WDR72: variants seen among roughly 807,000 people sequenced by gnomAD.
WDR72 encodes WD repeat domain 72.
In WDR72, 120 loss-of-function variants were observed where a neutral mutation model predicts 124.2. The observed-to-expected ratio is 0.97, with a 90% CI of 0.83 to 1.12. WDR72 has a LOEUF of 1.12. Ranked by LOEUF, WDR72 falls within the 50% of genes most tolerant of loss-of-function variation. The pLI is 0.00. For missense variants in WDR72, 1,387 were observed against 1,278.8 expected, an observed-to-expected ratio of 1.08 and a Z score of -1.29; for synonymous variants, 452 against 441.7, an observed-to-expected ratio of 1.02 and a Z score of -0.29.
At chr15:53,558,912 A>T (rs954676594) in intron 18 of WDR72, among the ~76,000 whole-genome samples, 6 of 151,990 alleles carry the variant, frequency 3.9e-5, no homozygotes, top group African/African-American at 1.4e-4. Flanking sequence ...TTTAGCCTTT[A>T]AAAATGGGAC....
At chr15:53,618,444 G>C (rs1010155479) in intron 14 of WDR72, among the ~76,000 whole-genome samples, 7 of 151,822 alleles carry the variant, frequency 4.6e-5, no homozygotes, top group Non-Finnish European at 1.0e-4. Flanking sequence ...TACTTTTATT[G>C]CCTCTGTTTT....
intron 18 of WDR72, among the ~76,000 whole-genome samples, chr15:53,550,212 T>C (rs987929916): frequency 1.3e-5 from 2 of 152,220 alleles, no homozygotes; most frequent in Admixed American, 6.5e-5. Flanking sequence ...AAGGTTCAGA[T>C]AGTAAATATT....
chr15:53,590,295 T>A (rs189675880), intron 18 of WDR72, among the ~76,000 whole-genome samples: 4 of 152,004 alleles, frequency 2.6e-5, no homozygotes, highest in Admixed American at 6.6e-5. Context: ...GCTTTTTCGG[T>A]TCCCAAAAGG....
At chr15:53,569,442 T>C (rs1399453661) in intron 18 of WDR72, among the ~76,000 whole-genome samples, 1 of 152,048 alleles carries the variant, frequency 6.6e-6, no homozygotes, top group Non-Finnish European at 1.5e-5. Flanking sequence ...CTGAGAGGTG[T>C]CATATTTTTG....
At chr15:53,640,930 CTGTTA>C (rs1416878008) in intron 14 of WDR72, among the ~76,000 whole-genome samples, 4 of 151,210 alleles carry the variant, frequency 2.6e-5, no homozygotes, top group African/African-American at 9.7e-5. Context: ...TTTTTCAAGT[CTGTTA>C]TAAGGTTTTA....
At chr15:53,668,366 A>C (rs181193822) in intron 13 of WDR72, among the ~76,000 whole-genome samples, 2 of 152,376 alleles carry the variant, frequency 1.3e-5, no homozygotes, top group Admixed American at 1.3e-4. Flanking sequence ...CAAAGCAGTA[A>C]GTTAATTTTG....
At chr15:53,730,738 G>C (rs1417509877) in intron 2 of WDR72, among the ~76,000 whole-genome samples, 1 of 151,854 alleles carries the variant, frequency 6.6e-6, no homozygotes, top group East Asian at 1.9e-4. Flanking sequence ...CTGTCCTCAA[G>C]GACTCCTTTT....
intron 17 of WDR72, among the ~76,000 whole-genome samples, chr15:53,598,608 T>G (rs1393217930): frequency 1.3e-5 from 2 of 152,182 alleles, no homozygotes; most frequent in Non-Finnish European, 2.9e-5. Flanking sequence ...GGCCTCTGAC[T>G]TTTAAATATA....
chr15:53,597,019 G>A (rs2012810337), intron 18 of WDR72, 60 bp downstream of exon 18: 3 of 1,528,752 alleles, frequency 2.0e-6, no homozygotes, highest in African/African-American at 1.4e-5. Context: ...CCATAAGTTG[G>A]AGACTATCTA....
intron 18 of WDR72, among the ~76,000 whole-genome samples, chr15:53,589,517 C>T (rs1231693516): frequency 1.3e-5 from 2 of 151,590 alleles, no homozygotes; most frequent in Non-Finnish European, 3.0e-5. Flanking sequence ...GATAAATAGA[C>T]CTGATCCCTG....
intron 14 of WDR72, among the ~76,000 whole-genome samples, chr15:53,620,667 C>T (rs996667364): frequency 1.3e-5 from 2 of 152,076 alleles, no homozygotes; most frequent in Non-Finnish European, 1.5e-5. Flanking sequence ...TCAAGGACTT[C>T]AATCTCAGAC....
intron 19 of WDR72, 69 bp from the exon 20 acceptor site, chr15:53,517,823 A>G (rs1033830997): frequency 1.4e-6 from 2 of 1,435,382 alleles, no homozygotes; most frequent in African/African-American, 2.8e-5. Context: ...AAAGACCAAG[A>G]GGAGGGGAGG....
chr15:53,550,893 C>G (rs765575400), intron 18 of WDR72, among the ~76,000 whole-genome samples: 3 of 152,028 alleles, frequency 2.0e-5, no homozygotes, highest in Non-Finnish European at 2.9e-5. Flanking sequence ...AGGAGACACA[C>G]AATCTGTACA....
intron 13 of WDR72, among the ~76,000 whole-genome samples, chr15:53,694,854 A>T (rs1567033041): frequency 6.6e-6 from 1 of 152,232 alleles, no homozygotes; most frequent in Non-Finnish European, 1.5e-5. Flanking sequence ...CAATGTATTT[A>T]AAAAGAACAA....
intron 14 of WDR72, among the ~76,000 whole-genome samples, chr15:53,659,702 TA>T (rs10717894): frequency 0.36 from 51,867 of 145,634 alleles, 10,529 homozygotes; most frequent in African/African-American, 0.56. Flanking sequence ...AAGGCAGTTA[TA>T]AAAAAAAAAA....
At chr15:53,576,840 T>C (rs1177982827) in intron 18 of WDR72, among the ~76,000 whole-genome samples, 1 of 152,184 alleles carries the variant, frequency 6.6e-6, no homozygotes, top group African/African-American at 2.4e-5. Context: ...GTGGTTTCTC[T>C]TCCTATCTGC....
intron 18 of WDR72, among the ~76,000 whole-genome samples, chr15:53,587,751 A>G (rs2140326256): frequency 6.6e-6 from 1 of 152,164 alleles, no homozygotes; most frequent in South Asian, 2.1e-4. Context: ...TCTTAGGCAT[A>G]TTCAGTTACC....
At chr15:53,757,664 G>GT (rs1287741071) in intron 1 of WDR72, among the ~76,000 whole-genome samples, 2 of 147,164 alleles carry the variant, frequency 1.4e-5, no homozygotes, top group Admixed American at 6.6e-5. Context: ...TTAAAAAAAA[G>GT]AATTATTCAT....
intron 16 of WDR72, among the ~76,000 whole-genome samples, chr15:53,610,264 G>T (rs1358580983): frequency 6.6e-6 from 1 of 152,048 alleles, no homozygotes; most frequent in Non-Finnish European, 1.5e-5. Flanking sequence ...TTCATAGAGT[G>T]TCCAGCAGTT....
Sources: gnomAD v4.1 joint callset for allele counts (sites outside exome capture counted in the v4.1 genomes callset) on GRCh38, gnomAD v4.1.1 for gene constraint, MANE v1.5 for transcripts, NCBI Gene and HGNC (gene_info 2026-07-23, HGNC 2026-07-21) for gene names.